Variants in RPS6KA6 observed in about 807,000 individuals in gnomAD.
The protein encoded by RPS6KA6 is ribosomal protein S6 kinase alpha-6.
Under a neutral mutation model 65.4 loss-of-function variants are expected in RPS6KA6, and 27 were observed. The observed-to-expected ratio is 0.41, with a 90% CI of 0.30 to 0.57. RPS6KA6 has a LOEUF of 0.57. RPS6KA6 is among the 20% of genes least tolerant of loss of function. The pLI, the probability that RPS6KA6 is intolerant of heterozygous loss-of-function variation, is 0.24. For synonymous variants in RPS6KA6, 190 were observed against 184.2 expected (o/e 1.03, Z -0.26); for missense variants, 486 against 555.6 (o/e 0.87, Z 1.26).
chrX:84,186,968 C>G (rs1460763106), intron 1 of RPS6KA6: 2 of 112,007 alleles, frequency 1.8e-5, no homozygotes, highest in Admixed American at 9.5e-5. Context: ...GTTCTCACTG[C>G]ACAGCTGACC....
At chrX:84,129,958 TA>T (rs767643430) in intron 8 of RPS6KA6, among the ~76,000 whole-genome samples, 5 of 110,832 alleles carry the variant, frequency 4.5e-5, no homozygotes, top group Non-Finnish European at 9.5e-5. Flanking sequence ...TAGTCAAAAA[TA>T]ATTTAATTAT....
At chrX:84,172,729 C>G (rs2035706656) in intron 1 of RPS6KA6, among the ~76,000 whole-genome samples, 1 of 111,632 alleles carries the variant, frequency 9.0e-6, no homozygotes, top group Non-Finnish European at 1.9e-5. Context: ...TATTTATCGA[C>G]AGATGGTAAG....
At chrX:84,158,762 C>T (rs1408376904) in intron 2 of RPS6KA6, among the ~76,000 whole-genome samples, 1 of 111,231 alleles carries the variant, frequency 9.0e-6, no homozygotes, top group Non-Finnish European at 1.9e-5. Flanking sequence ...TATTATATCA[C>T]CAAATTATGA....
intron 20 of RPS6KA6, among the ~76,000 whole-genome samples, chrX:84,095,829 C>T (rs2034145913): frequency 9.0e-6 from 1 of 111,688 alleles, no homozygotes; most frequent in South Asian, 3.7e-4. Flanking sequence ...AAATTGTCTA[C>T]ATAATCAAGT....
At chrX:84,157,326 T>C (rs1435187779) in intron 2 of RPS6KA6, among the ~76,000 whole-genome samples, 1 of 111,972 alleles carries the variant, frequency 8.9e-6, no homozygotes, top group African/African-American at 3.2e-5. Flanking sequence ...GTATATCAGA[T>C]GTTTCTTATA....
intron 4 of RPS6KA6, 43 bp from the exon 5 acceptor site, chrX:84,147,101 A>G: frequency 1.4e-6 from 1 of 733,498 alleles, no homozygotes; most frequent in Non-Finnish European, 2.0e-6. Context: ...CTCTTACATC[A>G]TTTCAGTTAA....
intron 6 of RPS6KA6, among the ~76,000 whole-genome samples, chrX:84,138,298 A>G (rs2035029639): frequency 9.0e-6 from 1 of 111,271 alleles, no homozygotes; most frequent in Non-Finnish European, 1.9e-5. Flanking sequence ...CAAGTTTTAA[A>G]CAAGAGAATT....
chrX:84,157,421 C>T (rs1225597365), intron 2 of RPS6KA6, among the ~76,000 whole-genome samples: 1 of 111,625 alleles, frequency 9.0e-6, no homozygotes, highest in Non-Finnish European at 1.9e-5. Context: ...AAATTAAAAT[C>T]AATCGGCTAT....
chrX:84,162,084 C>A lies in RPS6KA6; in HGVS notation c.141+2244G>T, dbSNP rs747693834. Among the ~76,000 whole-genome samples, 13 of 110,868 alleles carry A rather than the reference C, an allele frequency of 1.2e-4. No homozygotes were observed. The South Asian group carries it at 4.9e-3, about 42-fold the overall frequency. On this transcript the variant is annotated intron_variant, in intron 2 of 21. Transcript: ENST00000262752. Reference sequence around the variant, plus strand: ...AACTACTAAAGGAGACAAATCATAACAAACTTTTTCTAACCTTGACATTGC... The same window carrying A: ...AACTACTAAAGGAGACAAATCATAAAAAACTTTTTCTAACCTTGACATTGC...
intron 6 of RPS6KA6, among the ~76,000 whole-genome samples, chrX:84,139,001 C>A (rs1014887677): frequency 8.9e-6 from 1 of 112,007 alleles, no homozygotes; most frequent in African/African-American, 3.2e-5. Flanking sequence ...TTTTTGTACA[C>A]ACAAGTGAAG....
At chrX:84,111,642 G>A (rs1602417544) in intron 12 of RPS6KA6, among the ~76,000 whole-genome samples, 2 of 111,063 alleles carry the variant, frequency 1.8e-5, no homozygotes, top group African/African-American at 6.6e-5. Flanking sequence ...AAACACGAGA[G>A]GAACTTATCA....
intron 20 of RPS6KA6, among the ~76,000 whole-genome samples, chrX:84,085,878 A>C (rs1353325450): frequency 9.0e-6 from 1 of 111,390 alleles, no homozygotes; most frequent in Admixed American, 9.5e-5. Flanking sequence ...TCAGGGATTC[A>C]ATTTCTTCCT....
At chrX:84,088,322 T>C in intron 20 of RPS6KA6, among the ~76,000 whole-genome samples, 1 of 111,948 alleles carries the variant, frequency 8.9e-6, no homozygotes, top group Admixed American at 9.5e-5. Context: ...GTTGGTGCTG[T>C]TGTTTTGTGT....
At chrX:84,121,334 A>G (rs772207896) in intron 8 of RPS6KA6, among the ~76,000 whole-genome samples, 1 of 112,175 alleles carries the variant, frequency 8.9e-6, no homozygotes, top group African/African-American at 3.2e-5. Flanking sequence ...TATAACTTAC[A>G]AACTGTAACT....
chrX:84,149,468 A>G (rs1945224299), intron 3 of RPS6KA6, among the ~76,000 whole-genome samples: 2 of 112,227 alleles, frequency 1.8e-5, no homozygotes, highest in Non-Finnish European at 3.8e-5. Context: ...TATTTCTTAA[A>G]TAATAGGGCT....
At chrX:84,127,956 C>A (rs1023311136) in intron 8 of RPS6KA6, among the ~76,000 whole-genome samples, 4 of 111,315 alleles carry the variant, frequency 3.6e-5, no homozygotes, top group African/African-American at 1.3e-4. Context: ...CAACATAGTA[C>A]TGCAAGTCCT....
In RPS6KA6 at chrX:84,164,368, A is replaced by C; in HGVS notation, c.101T>G (p.Val34Gly). ...TTCTCCCTCTTCCATTGGCTCATCA[A>C]CCATTTTAAGACCATTTACCTGAAA... ...SSGEVNGLKM[V>G]DEPMEEGEAD... Residue 34 changes from valine to glycine, a missense_variant, in exon 2 of 22, where the codon GTT (valine) becomes GGT (glycine). This residue lies in a region of RPS6KA6 where 106 missense variants were observed against 105.0 expected (regional missense o/e 1.01). Coordinates refer to ENST00000262752, the MANE Select transcript of RPS6KA6 (RefSeq NM_014496.5). 8.4e-7 allele frequency: 1 copy of C among 1,196,202 alleles called. No individual in the cohort carries two copies. Among genetic ancestry groups the C allele is most frequent in the Middle Eastern group, 2.3e-4 (1 of 4,310 alleles).
intron 18 of RPS6KA6, among the ~76,000 whole-genome samples, chrX:84,098,548 G>C (rs1453155464): frequency 9.0e-6 from 1 of 111,049 alleles, no homozygotes; most frequent in Non-Finnish European, 1.9e-5. Context: ...GAAAAATAAA[G>C]AGATGAAATG....
At chrX:84,078,905 T>A (rs973341268) in intron 20 of RPS6KA6, among the ~76,000 whole-genome samples, 2 of 111,318 alleles carry the variant, frequency 1.8e-5, no homozygotes, top group African/African-American at 6.5e-5. Flanking sequence ...TGTATATATG[T>A]CATAACACTA....
Sources: allele counts gnomAD v4.1 joint callset (sites outside exome capture counted in the v4.1 genomes callset), GRCh38; gene constraint gnomAD v4.1.1; regional missense constraint gnomAD v4.1.1; transcripts MANE v1.5; gene names NCBI Gene and HGNC (gene_info 2026-07-23, HGNC 2026-07-21).